Variants in SLC39A11 observed in about 807,000 individuals in gnomAD.
The protein encoded by SLC39A11 is solute carrier family 39 member 11.
Under a neutral mutation model 36.1 loss-of-function variants are expected in SLC39A11, and 33 were observed. The observed-to-expected ratio is 0.91, with a 90% CI of 0.69 to 1.22. SLC39A11 has a LOEUF of 1.22. Among genes scored for constraint, SLC39A11 ranks in the 50% most tolerant of loss-of-function variants. The pLI, the probability that SLC39A11 is intolerant of heterozygous loss-of-function variation, is 0.00. For synonymous variants in SLC39A11, 166 were observed against 170.3 expected, an observed-to-expected ratio of 0.97 and a Z score of 0.20; for missense variants, 432 against 430.3, an observed-to-expected ratio of 1.00 and a Z score of -0.03.
intron 7 of SLC39A11, among the ~76,000 whole-genome samples, chr17:72,714,965 C>A (rs2073288068): frequency 6.6e-6 from 1 of 152,190 alleles, no homozygotes; most frequent in Non-Finnish European, 1.5e-5. Flanking sequence ...TATTCAAAAC[C>A]ACTTCACCTC....
intron 4 of SLC39A11, among the ~76,000 whole-genome samples, chr17:72,987,705 C>T (rs545810509): frequency 6.6e-6 from 1 of 152,310 alleles, no homozygotes; most frequent in Admixed American, 6.5e-5. Context: ...CAGAATACCC[C>T]TTCCTCTTCC....
chr17:72,925,814 G>A (rs1053554378), intron 5 of SLC39A11, among the ~76,000 whole-genome samples: 11 of 152,336 alleles, frequency 7.2e-5, no homozygotes, highest in African/African-American at 2.6e-4. Flanking sequence ...CATGGCCACA[G>A]GGGCTGCTGT....
At chr17:72,714,825 T>C (rs1337646126) in intron 7 of SLC39A11, among the ~76,000 whole-genome samples, 1 of 152,194 alleles carries the variant, frequency 6.6e-6, no homozygotes. Context: ...CAGATCTGGG[T>C]TCATGGAGTG....
chr17:73,051,062 C>T (rs1024054124), intron 3 of SLC39A11, among the ~76,000 whole-genome samples: 6 of 152,196 alleles, frequency 3.9e-5, no homozygotes, highest in Non-Finnish European at 5.9e-5. Context: ...CATTCTCTCA[C>T]GGTTCTAGAA....
At chr17:72,818,341 T>C (rs1404834319) in intron 6 of SLC39A11, among the ~76,000 whole-genome samples, 1 of 152,162 alleles carries the variant, frequency 6.6e-6, no homozygotes, top group Non-Finnish European at 1.5e-5. Context: ...TCTTCTATCT[T>C]GTAGCTCCTT....
chr17:72,898,361 G>C (rs1229786612), intron 5 of SLC39A11, among the ~76,000 whole-genome samples: 1 of 152,200 alleles, frequency 6.6e-6, no homozygotes, highest in Non-Finnish European at 1.5e-5. Context: ...CATCCACTCA[G>C]CTATACCGCT....
chr17:72,918,397 G>A (rs1441620327), intron 5 of SLC39A11, among the ~76,000 whole-genome samples: 1 of 151,916 alleles, frequency 6.6e-6, no homozygotes, highest in East Asian at 1.9e-4. Flanking sequence ...CGACAAGCGT[G>A]AAACTCCATC....
chr17:73,068,104 C>A, intron 3 of SLC39A11: 1 of 1,413,056 alleles, frequency 7.1e-7, no homozygotes, highest in Non-Finnish European at 1.0e-6. Context: ...GAGTATCTCC[C>A]ACAGCCTTTA....
chr17:72,929,434 G>C, intron 5 of SLC39A11, among the ~76,000 whole-genome samples: 1 of 152,116 alleles, frequency 6.6e-6, no homozygotes, highest in Non-Finnish European at 1.5e-5. Context: ...TCCACAAAAC[G>C]GTCAAGGTCA....
chr17:72,857,697 A>G (rs1039977874), intron 5 of SLC39A11, among the ~76,000 whole-genome samples: 16 of 152,184 alleles, frequency 1.1e-4, no homozygotes, highest in African/African-American at 3.9e-4. Context: ...GTGAGATGGT[A>G]TCTCATTGTG....
rs2059018267 is a variant in SLC39A11 at position 73,038,916 on chromosome 17, C to T, written c.148-7202G>A. 2.0e-5 allele frequency among the ~76,000 whole-genome samples: 3 copies of T among 152,208 alleles called. No individual in the cohort carries two copies. In the South Asian group the frequency reaches 6.2e-4, roughly 32 times the overall value. The stretch of plus-strand genomic sequence containing the variant: ...TTCTGCTCCCTCACCTTGGCCTAAG[C>T]AGCTCAATCTGTGACAACACCAAAA... On this transcript the variant is annotated intron_variant, in intron 3 of 9. Coordinates refer to ENST00000255559, the MANE Select transcript of SLC39A11 (RefSeq NM_139177.4).
intron 6 of SLC39A11, among the ~76,000 whole-genome samples, chr17:72,773,678 C>CACACA (rs58841287): frequency 6.7e-6 from 1 of 148,860 alleles, no homozygotes; most frequent in African/African-American, 2.5e-5. Context: ...CACACACACA[C>CACACA]CCAGTATATA....
intron 7 of SLC39A11, among the ~76,000 whole-genome samples, chr17:72,694,614 G>T (rs1379238554): frequency 6.6e-6 from 1 of 152,232 alleles, no homozygotes; most frequent in Non-Finnish European, 1.5e-5. Flanking sequence ...TGGTTCCACG[G>T]CAAGCTAAGG....
intron 3 of SLC39A11, among the ~76,000 whole-genome samples, chr17:73,059,503 CA>C (rs1369307416): frequency 6.6e-6 from 1 of 151,740 alleles, no homozygotes; most frequent in Non-Finnish European, 1.5e-5. Flanking sequence ...CCTGTCTCCA[CA>C]AAAAATACAA....
chr17:73,032,899 T>A lies in SLC39A11; in HGVS notation c.148-1185A>T, dbSNP rs1197223136. ...GGCAGATGATGTTTTCTATTGCGAT[T>A]TGTAGATAAAGAAATTGGATCTTGA... On this transcript the variant is annotated intron_variant, in intron 3 of 9. Transcript: ENST00000255559. Among the ~76,000 whole-genome samples the A allele has an allele frequency of 2.6e-5, 4 of 152,212 alleles. No homozygotes were observed. The South Asian group carries it at 8.3e-4, about 32-fold the overall frequency.
chr17:72,677,670 G>C (rs903997537), intron 7 of SLC39A11, among the ~76,000 whole-genome samples: 4 of 152,160 alleles, frequency 2.6e-5, no homozygotes, highest in African/African-American at 9.7e-5. Flanking sequence ...TTAAAGCACA[G>C]ACCGTGGGCC....
intron 6 of SLC39A11, among the ~76,000 whole-genome samples, chr17:72,796,998 G>A (rs767537714): frequency 6.6e-6 from 1 of 152,146 alleles, no homozygotes; most frequent in Non-Finnish European, 1.5e-5. Flanking sequence ...CTAGGATGGG[G>A]CCGTCCCTGA....
chr17:73,065,976 C>T (rs9910686), intron 3 of SLC39A11, among the ~76,000 whole-genome samples: 31,292 of 152,030 alleles, frequency 0.21, 3,313 homozygotes, highest in East Asian at 0.39. Flanking sequence ...ATGAAGGCAC[C>T]TGGCACCAAA....
chr17:72,874,258 ACCTGGGACTGGTGAGC>A (rs1194667596), intron 5 of SLC39A11, among the ~76,000 whole-genome samples: 1 of 152,150 alleles, frequency 6.6e-6, no homozygotes, highest in African/African-American at 2.4e-5. Flanking sequence ...GAAAGTAATC[ACCTGGGACTGGTGAGC>A]ATAAATGATT....
Sources: gnomAD v4.1 joint callset for allele counts (sites outside exome capture counted in the v4.1 genomes callset) on GRCh38, gnomAD v4.1.1 for gene constraint, MANE v1.5 for transcripts, NCBI Gene and HGNC (gene_info 2026-07-23, HGNC 2026-07-21) for gene names.